The following POFUT3 variants were observed in gnomAD, a reference collection of about 807,000 sequenced individuals.
POFUT3 encodes GDP-fucose protein O-fucosyltransferase 3.
the POFUT3 span, among the ~76,000 whole-genome samples, chr8:33,331,087 C>G: frequency 1.3e-5 from 2 of 152,078 alleles, no homozygotes; most frequent in Non-Finnish European, 2.9e-5. Flanking sequence ...CGCTTGTAAT[C>G]CCAGCACTTT....
the POFUT3 span, chr8:33,389,664 C>T: frequency 2.5e-6 from 4 of 1,614,018 alleles, no homozygotes; most frequent in Non-Finnish European, 3.4e-6. Context: ...CTGAACGTGG[C>T]AGTGTAGTTG....
the POFUT3 span, among the ~76,000 whole-genome samples, chr8:33,366,301 G>C: frequency 6.6e-6 from 1 of 152,124 alleles, no homozygotes; most frequent in Admixed American, 6.6e-5. Context: ...GAAATATCTA[G>C]TGTAAATGAT....
the POFUT3 span, among the ~76,000 whole-genome samples, chr8:33,441,725 A>C: frequency 6.6e-6 from 1 of 152,072 alleles, no homozygotes; most frequent in Non-Finnish European, 1.5e-5. Flanking sequence ...TTAAAGCTAC[A>C]TGGTTTTATT....
At chr8:33,399,798 C>T in the POFUT3 span, among the ~76,000 whole-genome samples, 12 of 151,920 alleles carry the variant, frequency 7.9e-5, no homozygotes, top group African/African-American at 2.2e-4. Flanking sequence ...GGACTACAGA[C>T]GTGCACCACC....
chr8:33,311,247 A>G, the POFUT3 span, among the ~76,000 whole-genome samples: 2 of 152,322 alleles, frequency 1.3e-5, no homozygotes, highest in East Asian at 1.9e-4. Flanking sequence ...ATTTTTCTCC[A>G]TGTTCTTTTA....
chr8:33,466,911 C>T, the POFUT3 span, among the ~76,000 whole-genome samples: 2 of 152,100 alleles, frequency 1.3e-5, no homozygotes, highest in African/African-American at 4.8e-5. Flanking sequence ...TCGAGACCAG[C>T]CCGACCAATA....
At chr8:33,428,425 T>C in the POFUT3 span, among the ~76,000 whole-genome samples, 1 of 152,234 alleles carries the variant, frequency 6.6e-6, no homozygotes, top group Non-Finnish European at 1.5e-5. Context: ...AAGACCTTAT[T>C]ATCAATGTCA....
chr8:33,312,024 G>A, the POFUT3 span, among the ~76,000 whole-genome samples: 30 of 152,222 alleles, frequency 2.0e-4, no homozygotes, highest in Admixed American at 8.5e-4. Context: ...GCCTTTGGGA[G>A]GCCAAAGCGG....
the POFUT3 span, among the ~76,000 whole-genome samples, chr8:33,398,276 T>C: frequency 6.6e-6 from 1 of 152,192 alleles, no homozygotes; most frequent in Non-Finnish European, 1.5e-5. Flanking sequence ...AACTGTACAG[T>C]ACAATTAACA....
At chr8:33,425,229 G>A in the POFUT3 span, among the ~76,000 whole-genome samples, 1 of 152,076 alleles carries the variant, frequency 6.6e-6, no homozygotes, top group African/African-American at 2.4e-5. Context: ...AACTAATTGG[G>A]AAGCTGAGGC....
At chr8:33,373,991 C>T in the POFUT3 span, among the ~76,000 whole-genome samples, 3 of 152,330 alleles carry the variant, frequency 2.0e-5, no homozygotes, top group East Asian at 3.9e-4. Context: ...GGGTCCTCAA[C>T]TCCCGGGTCA....
chr8:33,394,574 A>C, the POFUT3 span, among the ~76,000 whole-genome samples: 3 of 152,106 alleles, frequency 2.0e-5, no homozygotes, highest in African/African-American at 7.2e-5. Context: ...GTTGTTTTTC[A>C]CATTTATATT....
the POFUT3 span, among the ~76,000 whole-genome samples, chr8:33,461,172 C>CGGAAGGAAGGAA: frequency 2.1e-5 from 1 of 47,580 alleles, no homozygotes; most frequent in Non-Finnish European, 3.5e-5. Flanking sequence ...GGTACTGTGT[C>CGGAAGGAAGGAA]GGAAGGAAGG....
chr8:33,425,902 C>CA, the POFUT3 span, among the ~76,000 whole-genome samples: 10,622 of 106,076 alleles, frequency 0.1, 480 homozygotes, highest in East Asian at 0.19. Flanking sequence ...AACTCCATCT[C>CA]AAAAAAAAAA....
At chr8:33,389,372 T>A in the POFUT3 span, 1 of 1,614,176 alleles carries the variant, frequency 6.2e-7, no homozygotes, top group South Asian at 1.1e-5. Flanking sequence ...AATGATCCTA[T>A]AAAAGCCATC....
At chr8:33,326,107 C>A in the POFUT3 span, among the ~76,000 whole-genome samples, 10 of 152,270 alleles carry the variant, frequency 6.6e-5, no homozygotes, top group Admixed American at 5.9e-4. Flanking sequence ...TACAAATTAC[C>A]TCATCTTTTC....
chr8:33,365,023 T>TC, the POFUT3 span, among the ~76,000 whole-genome samples: 1 of 152,072 alleles, frequency 6.6e-6, no homozygotes, highest in East Asian at 1.9e-4. Flanking sequence ...TACAAGGCTA[T>TC]AGTAACCAAA....
At chr8:33,392,895 C>T in the POFUT3 span, among the ~76,000 whole-genome samples, 2 of 152,146 alleles carry the variant, frequency 1.3e-5, no homozygotes, top group African/African-American at 2.4e-5. Context: ...GAAGGAGAAT[C>T]GCTTGAACCT....
the POFUT3 span, among the ~76,000 whole-genome samples, chr8:33,338,376 A>C: frequency 6.6e-6 from 1 of 152,162 alleles, no homozygotes; most frequent in East Asian, 1.9e-4. Flanking sequence ...AAGAGGGAGA[A>C]GCACTTCCAA....
Sources: gnomAD v4.1 joint callset for allele counts (sites outside exome capture counted in the v4.1 genomes callset) on GRCh38, gnomAD v4.1.1 for gene constraint, MANE v1.5 for transcripts, NCBI Gene and HGNC (gene_info 2026-07-23, HGNC 2026-07-21) for gene names.